Variants in OPRK1 observed in about 807,000 individuals in gnomAD.
OPRK1 encodes kappa-type opioid receptor.
OPRK1 carries 15 observed loss-of-function variants against 24.5 expected under a neutral mutation model. The observed-to-expected ratio is 0.61, with a 90% confidence interval of 0.41 to 0.94. The LOEUF (loss-of-function observed/expected upper bound fraction) is 0.94. Ranked by LOEUF, OPRK1 falls within the 40% of genes least tolerant of loss-of-function variation. The pLI is 0.00. For missense variants in OPRK1, 479 were observed against 507.3 expected (o/e 0.94, Z 0.54); for synonymous variants, 205 against 198.0 (o/e 1.04, Z -0.30).
At chr8:53,238,583 C>T (rs1807048640) in intron 2 of OPRK1, 2 of 985,308 alleles carry the variant, frequency 2.0e-6, no homozygotes, top group African/African-American at 3.5e-5. Flanking sequence ...GGAGGGTGTT[C>T]CAGAGACTTA....
intron 2 of OPRK1, among the ~76,000 whole-genome samples, chr8:53,238,311 G>T (rs1283396290): frequency 6.6e-6 from 1 of 152,212 alleles, no homozygotes; most frequent in Non-Finnish European, 1.5e-5. Flanking sequence ...CACCATCTGG[G>T]TGGGAAGTTC....
At chr8:53,236,501 A>G (rs777931150) in intron 2 of OPRK1, among the ~76,000 whole-genome samples, 41 of 152,306 alleles carry the variant, frequency 2.7e-4, no homozygotes, top group Non-Finnish European at 5.3e-4. Context: ...CTTACTAAAG[A>G]GTGATTTAAT....
intron 3 of OPRK1, among the ~76,000 whole-genome samples, chr8:53,232,640 C>T (rs1806883424): frequency 1.3e-5 from 2 of 152,166 alleles, no homozygotes; most frequent in African/African-American, 4.8e-5. Context: ...AGTATCCATA[C>T]AACTGCCTCA....
intron 2 of OPRK1, chr8:53,242,658 C>A: frequency 3.4e-6 from 1 of 292,174 alleles, no homozygotes; most frequent in African/African-American, 2.3e-5. Context: ...AGGCGCCCGC[C>A]ACTACGCCCG....
At chr8:53,238,675 T>C (rs981960657) in intron 2 of OPRK1, 121 of 985,310 alleles carry the variant, frequency 1.2e-4, no homozygotes, top group African/African-American at 2.6e-4. Context: ...GGCTTCAAAA[T>C]TGGCAGACAC....
chr8:53,247,306 G>A (rs1480686874), intron 2 of OPRK1, among the ~76,000 whole-genome samples: 7 of 152,188 alleles, frequency 4.6e-5, no homozygotes, highest in African/African-American at 1.7e-4. Context: ...TCAATGGTCA[G>A]GCCACTGGCA....
chr8:53,236,725 C>G (rs1424240056), intron 2 of OPRK1, among the ~76,000 whole-genome samples: 1 of 152,076 alleles, frequency 6.6e-6, no homozygotes, highest in African/African-American at 2.4e-5. Flanking sequence ...GCTATCTGTT[C>G]AGATATTTTC....
rs748161094 is a variant in OPRK1, at chr8:53,250,965, T to TG, written c.72dup (p.Asn25GlnfsTer76). On this transcript the variant is annotated frameshift_variant, in exon 2 of 4. Coordinates refer to ENST00000265572, the MANE Select transcript of OPRK1 (RefSeq NM_000912.5). LOFTEE classifies it high-confidence loss of function. Reference sequence around the variant, plus strand: ...CAGCCGGGAAACCAGGCGCTGCTGTTGGGGGGCAGGCAGGCGCTCGGGGCG... The same window carrying TG: ...CAGCCGGGAAACCAGGCGCTGCTGTTGGGGGGGCAGGCAGGCGCTCGGGGCG... 44 of 1,607,446 alleles carry TG rather than the reference T, an allele frequency of 2.7e-5. No homozygotes were observed. The highest frequency in any genetic ancestry group is 3.3e-5 in the Non-Finnish European group (39 of 1,176,952).
At chr8:53,239,627 C>T (rs1249369384) in intron 2 of OPRK1, among the ~76,000 whole-genome samples, 1 of 152,128 alleles carries the variant, frequency 6.6e-6, no homozygotes, top group African/African-American at 2.4e-5. Context: ...TGGGGAATTC[C>T]ATATTATCTG....
chr8:53,235,906 G>A (rs1806981024), intron 2 of OPRK1, among the ~76,000 whole-genome samples: 1 of 152,114 alleles, frequency 6.6e-6, no homozygotes, highest in African/African-American at 2.4e-5. Context: ...TGATGTTTAG[G>A]ACAACTTAAT....
In OPRK1 at chr8:53,243,023, C is replaced by T. The variant is rs1475300201; in HGVS notation, c.257+7758G>A. On this transcript the variant is annotated intron_variant, in intron 2 of 3. Transcript: ENST00000265572. ...CCTTATCCAAGACATAAACCAGCAC[C>T]CCCTCCAAAGAAAGGGAAAAAAAGG... The T allele has an allele frequency of 6.8e-6, 8 of 1,174,424 alleles. No individual in the cohort carries two copies. In the East Asian group the frequency reaches 2.0e-4, roughly 29 times the overall value. 72.8% of individuals were successfully genotyped at this position (1,174,424 alleles called of 1,614,324 possible). A position where few individuals can be genotyped will look rare whatever the true frequency, so the allele number is the denominator to read the frequency against.
chr8:53,228,821 G>C lies in OPRK1; in HGVS notation c.*476C>G, dbSNP rs576008752. 2 of 157,542 alleles carry C rather than the reference G, an allele frequency of 1.3e-5. No individual in the cohort carries two copies. Among genetic ancestry groups the C allele is most frequent in the South Asian group, 1.9e-4 (1 of 5,224 alleles). The allele number at this position is 157,542 out of a possible 1,614,324, so 9.8% of individuals were successfully genotyped here. A position where few individuals can be genotyped will look rare whatever the true frequency, so the allele number is the denominator to read the frequency against. On this transcript the variant is annotated 3_prime_UTR_variant, in exon 4 of 4. Coordinates refer to ENST00000265572, the MANE Select transcript of OPRK1 (RefSeq NM_000912.5). Reference sequence around the variant, plus strand: ...TGCATGTCCACACAGCATACAGTGAGCTGGGCATGAACCCTGGAAATAGTT... The same window carrying C: ...TGCATGTCCACACAGCATACAGTGACCTGGGCATGAACCCTGGAAATAGTT...
intron 2 of OPRK1, among the ~76,000 whole-genome samples, chr8:53,237,514 C>G (rs1240239429): frequency 6.6e-6 from 1 of 152,180 alleles, no homozygotes; most frequent in Non-Finnish European, 1.5e-5. Context: ...GCGTCAGGAC[C>G]TCTGCCATGC....
At chr8:53,231,808 T>C (rs1182153284) in intron 3 of OPRK1, among the ~76,000 whole-genome samples, 2 of 152,232 alleles carry the variant, frequency 1.3e-5, no homozygotes, top group Non-Finnish European at 2.9e-5. Flanking sequence ...GTAGTTATTA[T>C]GGAAAAGTCA....
chr8:53,239,208 T>C (rs1419293984), intron 2 of OPRK1, among the ~76,000 whole-genome samples: 2 of 152,150 alleles, frequency 1.3e-5, no homozygotes, highest in African/African-American at 4.8e-5. Context: ...TTCATTTCCC[T>C]ACCCCATAAG....
chr8:53,249,441 C>T (rs1032657420), intron 2 of OPRK1, among the ~76,000 whole-genome samples: 5 of 152,126 alleles, frequency 3.3e-5, no homozygotes, highest in African/African-American at 1.2e-4. Context: ...AATATTCCTT[C>T]CTTCTATAAC....
chr8:53,235,087 G>A lies in OPRK1; in HGVS notation c.282C>T (p.Thr94=). The stretch of plus-strand genomic sequence containing the variant: ...AAGCCAGGTTAAATATGTAAATGTT[G>A]GTTGCTGTCTTCATCTTTGTGTATC... ...IIRYTKMKTA[T]NIYIFNLALA... Residue 94 remains threonine, a synonymous_variant, in exon 3 of 4, where the codon ACC becomes ACT. Coordinates refer to ENST00000265572, the MANE Select transcript of OPRK1 (RefSeq NM_000912.5). 6.2e-7 allele frequency: 1 copy of A among 1,613,764 alleles called. No homozygotes were observed. Among genetic ancestry groups the A allele is most frequent in the Non-Finnish European group, 8.5e-7 (1 of 1,179,766 alleles).
chr8:53,244,001 G>A (rs1807175156), intron 2 of OPRK1, among the ~76,000 whole-genome samples: 2 of 152,124 alleles, frequency 1.3e-5, no homozygotes, highest in Admixed American at 1.3e-4. Context: ...GAACATGTAT[G>A]TACACACAAC....
chr8:53,243,951 A>G (rs1563330623), intron 2 of OPRK1, among the ~76,000 whole-genome samples: 1 of 152,128 alleles, frequency 6.6e-6, no homozygotes, highest in Non-Finnish European at 1.5e-5. Flanking sequence ...ATTTGGTGAT[A>G]TTATCTAAGG....
Sources: allele counts gnomAD v4.1 joint callset (sites outside exome capture counted in the v4.1 genomes callset), GRCh38; gene constraint gnomAD v4.1.1; transcripts MANE v1.5; gene names NCBI Gene and HGNC (gene_info 2026-07-23, HGNC 2026-07-21).